Variants in MCC observed in about 807,000 individuals in gnomAD.
MCC encodes colorectal mutant cancer protein.
A neutral mutation model predicts 116.2 loss-of-function variants in MCC; 90 were observed. The observed-to-expected ratio is 0.77, with a 90% confidence interval of 0.65 to 0.92. The LOEUF is 0.92. MCC is among the 40% of genes least tolerant of loss of function. The pLI is 0.00. For missense variants in MCC, 1,516 were observed against 1,312.2 expected, an observed-to-expected ratio of 1.16 and a Z score of -2.40; for synonymous variants, 578 against 510.5, an observed-to-expected ratio of 1.13 and a Z score of -1.78.
chr5:113,444,474 C>T lies in MCC; in HGVS notation c.170+43771G>A, dbSNP rs147900012. Among the ~76,000 whole-genome samples, 87 of 152,316 alleles carry T rather than the reference C, an allele frequency of 5.7e-4. No individual in the cohort carries two copies. The Middle Eastern group carries it at 0.01, about 18-fold the overall frequency. The stretch of plus-strand genomic sequence containing the variant: ...TGAAGGAAAAAAAGTGTTAAATCTG[C>T]GGTCTACATGTCCTAGTCTTAGTTC... On this transcript the variant is annotated intron_variant, in intron 1 of 18. Coordinates refer to ENST00000408903, the MANE Select transcript of MCC (RefSeq NM_001085377.2).
chr5:113,488,342 T>TGCCGCTGCCGCTGCCGCTGCC lies in MCC; in HGVS notation c.72_73insGGCAGCGGCAGCGGCAGCGGC (p.Ser24_Ser25insGlySerGlySerGlySerGly), dbSNP rs775732898. ...CTGGACGTGTCGCTGCTGCTGCTGC[T>TGCCGCTGCCGCTGCCGCTGCC]GCTGCCGCTGCCGCCGCCGCCGCCG... On this transcript the variant is annotated inframe_insertion, in exon 1 of 19. Transcript: ENST00000408903. The TGCCGCTGCCGCTGCCGCTGCC allele has an allele frequency of 1.3e-5, 20 of 1,531,312 alleles. No homozygotes were observed. The African/African-American group carries it at 2.7e-4, about 21-fold the overall frequency. 94.9% of individuals were successfully genotyped at this position (1,531,312 alleles called of 1,614,324 possible).
At chr5:113,413,700 T>C (rs889733655) in intron 1 of MCC, among the ~76,000 whole-genome samples, 1 of 152,224 alleles carries the variant, frequency 6.6e-6, no homozygotes, top group Non-Finnish European at 1.5e-5. Context: ...CTATCAATTT[T>C]GTTGATCTTT....
chr5:113,421,618 A>G (rs531137691), intron 1 of MCC, among the ~76,000 whole-genome samples: 4 of 152,206 alleles, frequency 2.6e-5, no homozygotes, highest in Non-Finnish European at 5.9e-5. Context: ...CCTTTCGCTC[A>G]TCTGGGTCAG....
At chr5:113,405,506 G>A (rs1308586709) in intron 1 of MCC, among the ~76,000 whole-genome samples, 1 of 152,128 alleles carries the variant, frequency 6.6e-6, no homozygotes, top group Non-Finnish European at 1.5e-5. Flanking sequence ...AATATGCTGT[G>A]GGCCAGGTGT....
intron 2 of MCC, among the ~76,000 whole-genome samples, chr5:113,356,380 T>C (rs1581423580): frequency 6.8e-6 from 1 of 148,134 alleles, no homozygotes; most frequent in East Asian, 1.9e-4. Context: ...TAGATAATAT[T>C]ATATATTTTA....
chr5:113,082,043 A>C (rs759981627), intron 11 of MCC, among the ~76,000 whole-genome samples: 2 of 152,240 alleles, frequency 1.3e-5, no homozygotes, highest in Non-Finnish European at 2.9e-5. Flanking sequence ...CTGCAGAACC[A>C]ATTCTGAGGC....
chr5:113,173,163 A>C (rs951780199), intron 3 of MCC, among the ~76,000 whole-genome samples: 6 of 152,110 alleles, frequency 3.9e-5, no homozygotes, highest in African/African-American at 9.7e-5. Flanking sequence ...AGCTTCCATA[A>C]ACCTTTTCCT....
Position 113,445,070 on chromosome 5 carries a change from A to T in MCC, c.170+43175T>A, listed in dbSNP as rs185957691. 6.6e-5 allele frequency among the ~76,000 whole-genome samples: 10 copies of T among 152,346 alleles called. No homozygotes were observed. In the East Asian group the frequency reaches 1.2e-3, roughly 18 times the overall value. On this transcript the variant is annotated intron_variant, in intron 1 of 18. Transcript: ENST00000408903. ...CAAACCAGTAACCCAGATACAGCCC[A>T]GACACTTCAATTCTCTCCATCTTGG...
intron 6 of MCC, among the ~76,000 whole-genome samples, chr5:113,118,439 A>T (rs1022122307): frequency 2.6e-5 from 4 of 152,150 alleles, no homozygotes; most frequent in African/African-American, 7.2e-5. Flanking sequence ...AGCACTTTTT[A>T]ATTGGATCGT....
At chr5:113,045,520 C>T (rs1318809339) in intron 16 of MCC, among the ~76,000 whole-genome samples, 1 of 152,140 alleles carries the variant, frequency 6.6e-6, no homozygotes, top group African/African-American at 2.4e-5. Flanking sequence ...TTACTAGAGG[C>T]CAGGCACAGT....
chr5:113,316,534 G>A (rs1297423754), intron 3 of MCC, among the ~76,000 whole-genome samples: 1 of 152,138 alleles, frequency 6.6e-6, no homozygotes, highest in African/African-American at 2.4e-5. Flanking sequence ...GATCCAATAA[G>A]TTCCAAGAGT....
At chr5:113,117,681 T>C (rs139429046) in intron 6 of MCC, among the ~76,000 whole-genome samples, 322 of 152,350 alleles carry the variant, frequency 2.1e-3, no homozygotes, top group Non-Finnish European at 2.8e-3. Context: ...GCACTGCTGT[T>C]GCGTTAACAG....
At chr5:113,158,254 G>T (rs1301657248) in intron 3 of MCC, among the ~76,000 whole-genome samples, 1 of 152,218 alleles carries the variant, frequency 6.6e-6, no homozygotes, top group Non-Finnish European at 1.5e-5. Context: ...TTGCTTTCCA[G>T]ATACAAAGTA....
At chr5:113,237,721 C>T (rs1764184724) in intron 3 of MCC, among the ~76,000 whole-genome samples, 2 of 152,164 alleles carry the variant, frequency 1.3e-5, no homozygotes, top group Admixed American at 6.5e-5. Flanking sequence ...TGATTAGTCT[C>T]AGCTCCGCGA....
At chr5:113,183,721 G>A (rs1479768439) in intron 3 of MCC, among the ~76,000 whole-genome samples, 1 of 152,168 alleles carries the variant, frequency 6.6e-6, no homozygotes, top group African/African-American at 2.4e-5. Flanking sequence ...AGCACCAGGG[G>A]CAAATGGGAC....
chr5:113,420,534 T>C (rs1442395227), intron 1 of MCC, among the ~76,000 whole-genome samples: 1 of 152,200 alleles, frequency 6.6e-6, no homozygotes, highest in African/African-American at 2.4e-5. Flanking sequence ...GTAATTCTTC[T>C]TCTCTGAAAG....
intron 3 of MCC, among the ~76,000 whole-genome samples, chr5:113,176,138 G>T (rs1761319569): frequency 6.6e-6 from 1 of 152,068 alleles, no homozygotes; most frequent in South Asian, 2.1e-4. Flanking sequence ...TGTTATAATG[G>T]GTAAATGGCT....
intron 1 of MCC, among the ~76,000 whole-genome samples, chr5:113,421,028 TTTA>T (rs1340600885): frequency 6.9e-6 from 1 of 144,474 alleles, no homozygotes. Flanking sequence ...ATTTTATTTA[TTTA>T]TTTTTTTTTT....
intron 1 of MCC, among the ~76,000 whole-genome samples, chr5:113,389,047 C>T (rs1044689220): frequency 6.6e-6 from 1 of 152,154 alleles, no homozygotes; most frequent in East Asian, 1.9e-4. Context: ...AAATTACAAT[C>T]ATCTATACAT....
Sources: gnomAD v4.1 joint callset for allele counts (sites outside exome capture counted in the v4.1 genomes callset) on GRCh38, gnomAD v4.1.1 for gene constraint, MANE v1.5 for transcripts, NCBI Gene and HGNC (gene_info 2026-07-23, HGNC 2026-07-21) for gene names.